VIT: variants seen among roughly 807,000 people sequenced by gnomAD.
VIT encodes vitrin.
In VIT, 99 loss-of-function variants were observed where a neutral mutation model predicts 78.0. The ratio of observed to expected loss-of-function variants is 1.27; its 90% confidence interval spans 1.08 to 1.50. VIT has a LOEUF of 1.50. Among genes scored for constraint, VIT ranks in the 40% most tolerant of loss-of-function variants. VIT has a pLI of 0.00. For missense variants in VIT, 1,126 were observed against 875.3 expected (o/e 1.29, Z -3.61); for synonymous variants, 374 against 334.3 (o/e 1.12, Z -1.29).
At chr2:36,789,542 G>A (rs996718582) in intron 12 of VIT, among the ~76,000 whole-genome samples, 18 of 152,112 alleles carry the variant, frequency 1.2e-4, no homozygotes, top group African/African-American at 4.3e-4. Context: ...GCCCGAGAAG[G>A]GTATGATGAG....
rs535408888 is a variant in VIT at position 36,750,253 on chromosome 2, C to T, written c.276-4668C>T. On this transcript the variant is annotated intron_variant, in intron 4 of 15. Coordinates refer to ENST00000379242, the MANE Select transcript of VIT (RefSeq NM_053276.4). The stretch of plus-strand genomic sequence containing the variant: ...ACAAATCTACGCACACGTGTTTGCA[C>T]ACCCATACATGCCTCCCACACATAC... 2.6e-5 allele frequency among the ~76,000 whole-genome samples: 4 copies of T among 152,368 alleles called. 1 individual carries two copies. In the South Asian group the frequency reaches 8.3e-4, roughly 32 times the overall value.
intron 12 of VIT, among the ~76,000 whole-genome samples, chr2:36,796,364 G>A (rs1449113190): frequency 6.6e-6 from 1 of 152,204 alleles, no homozygotes; most frequent in African/African-American, 2.4e-5. Flanking sequence ...GAGGCTCACA[G>A]GAACCAAACC....
At chr2:36,783,091 A>C (rs1238171700) in intron 10 of VIT, among the ~76,000 whole-genome samples, 1 of 152,230 alleles carries the variant, frequency 6.6e-6, no homozygotes, top group East Asian at 1.9e-4. Flanking sequence ...ATAAAGAATA[A>C]ATTAACAAGA....
At chr2:36,760,910 A>T (rs951046098) in intron 6 of VIT, among the ~76,000 whole-genome samples, 5 of 151,784 alleles carry the variant, frequency 3.3e-5, no homozygotes, top group Non-Finnish European at 1.5e-5. Context: ...CCCTCCTCGC[A>T]TTTTGCTGCA....
At chr2:36,763,803 G>T (rs1432957619) in intron 6 of VIT, among the ~76,000 whole-genome samples, 2 of 151,958 alleles carry the variant, frequency 1.3e-5, no homozygotes, top group African/African-American at 4.8e-5. Context: ...TGGTCAGGCT[G>T]GTCTCAAACT....
At chr2:36,783,436 CT>C (rs757120640) in intron 11 of VIT, 34 bp downstream of exon 11, 1 of 1,607,500 alleles carries the variant, frequency 6.2e-7, no homozygotes, top group Non-Finnish European at 8.5e-7. Flanking sequence ...CCCACGGTGT[CT>C]TTGACATCTG....
Position 36,774,983 on chromosome 2 carries a change from C to T in VIT, c.737-19C>T. ...TGCTGGTTGTGTGTAAATCGGCTGA[C>T]CCTGTGTAATCCCCTCAGGTATCCA... On this transcript the variant is annotated intron_variant, in intron 8 of 15. Coordinates refer to ENST00000379242, the MANE Select transcript of VIT (RefSeq NM_053276.4). The T allele has an allele frequency of 3.7e-6, 6 of 1,613,834 alleles. No homozygotes were observed. Among genetic ancestry groups the T allele is most frequent in the Non-Finnish European group, 5.1e-6 (6 of 1,179,896 alleles).
At chr2:36,742,583 T>A (rs1667899475) in intron 3 of VIT, among the ~76,000 whole-genome samples, 1 of 152,146 alleles carries the variant, frequency 6.6e-6, no homozygotes. Context: ...CCTTCTTAAT[T>A]TGGTCCATCC....
At chr2:36,712,348 C>A (rs1324895799) in intron 1 of VIT, among the ~76,000 whole-genome samples, 3 of 152,080 alleles carry the variant, frequency 2.0e-5, no homozygotes, top group Non-Finnish European at 4.4e-5. Flanking sequence ...CCCGGAATCC[C>A]GTTGGTTTTT....
chr2:36,793,028 G>A (rs991546413), intron 12 of VIT, among the ~76,000 whole-genome samples: 2 of 152,138 alleles, frequency 1.3e-5, no homozygotes, highest in Non-Finnish European at 2.9e-5. Context: ...GGGTTCTACA[G>A]AGTCAGACTC....
intron 4 of VIT, among the ~76,000 whole-genome samples, chr2:36,751,753 T>A (rs1668478353): frequency 6.6e-6 from 1 of 152,208 alleles, no homozygotes; most frequent in African/African-American, 2.4e-5. Context: ...AAAACAAGAT[T>A]TGCTGCTTGA....
chr2:36,809,411 TTTTA>T (rs921810464), intron 15 of VIT, among the ~76,000 whole-genome samples: 3 of 152,232 alleles, frequency 2.0e-5, no homozygotes, highest in Non-Finnish European at 2.9e-5. Context: ...TGTTAGTAAC[TTTTA>T]TTTATTTATT....
chr2:36,708,533 C>G (rs1665597344), intron 1 of VIT, among the ~76,000 whole-genome samples: 2 of 152,116 alleles, frequency 1.3e-5, no homozygotes. Flanking sequence ...CCCTCCATGT[C>G]TCCCTGTTGC....
At chr2:36,754,673 A>C (rs1668656324) in intron 4 of VIT, among the ~76,000 whole-genome samples, 1 of 152,198 alleles carries the variant, frequency 6.6e-6, no homozygotes, top group Non-Finnish European at 1.5e-5. Flanking sequence ...GGTGGCAAAA[A>C]GAAATCCCTG....
At chr2:36,779,629 C>G (rs1431141282) in intron 9 of VIT, among the ~76,000 whole-genome samples, 1 of 152,136 alleles carries the variant, frequency 6.6e-6, no homozygotes, top group Non-Finnish European at 1.5e-5. Context: ...CCTCCCACCT[C>G]CCAACCCTCC....
intron 6 of VIT, among the ~76,000 whole-genome samples, chr2:36,764,905 C>T (rs1669327546): frequency 6.6e-6 from 1 of 151,864 alleles, no homozygotes; most frequent in Non-Finnish European, 1.5e-5. Context: ...TGGTTCCCAC[C>T]AAGACAGAAG....
chr2:36,811,271 C>T (rs776271140), intron 15 of VIT, among the ~76,000 whole-genome samples: 8 of 152,180 alleles, frequency 5.3e-5, no homozygotes, highest in African/African-American at 1.4e-4. Flanking sequence ...CCAGCTTTGA[C>T]GGCAAGCCCA....
intron 11 of VIT, among the ~76,000 whole-genome samples, chr2:36,786,406 T>C (rs1665096835): frequency 6.6e-6 from 1 of 152,194 alleles, no homozygotes; most frequent in Admixed American, 6.5e-5. Context: ...CTTTTGATGT[T>C]TGAAAGGGTG....
At chr2:36,741,013 T>C (rs1167088801) in intron 3 of VIT, among the ~76,000 whole-genome samples, 3 of 152,190 alleles carry the variant, frequency 2.0e-5, no homozygotes, top group African/African-American at 7.2e-5. Context: ...CAAAATTTAA[T>C]CTTAATGCAC....
Sources: gnomAD v4.1 joint callset for allele counts (sites outside exome capture counted in the v4.1 genomes callset) on GRCh38, gnomAD v4.1.1 for gene constraint, MANE v1.5 for transcripts, NCBI Gene and HGNC (gene_info 2026-07-23, HGNC 2026-07-21) for gene names.